KLF12: variants seen among roughly 807,000 people sequenced by gnomAD.
The protein encoded by KLF12 is Krueppel-like factor 12.
KLF12 carries 9 observed loss-of-function variants against 37.8 expected under a neutral mutation model. The ratio of observed to expected loss-of-function variants is 0.24; its 90% confidence interval spans 0.14 to 0.42. KLF12 has a LOEUF of 0.42. Ranked by LOEUF, KLF12 falls within the 10% of genes least tolerant of loss-of-function variation. The pLI is 1.00. For missense variants in KLF12, 411 were observed against 516.0 expected (o/e 0.80, Z 1.97); for synonymous variants, 208 against 202.1 (o/e 1.03, Z -0.25).
chr13:74,003,069 G>A (rs969894339), intron 1 of KLF12, among the ~76,000 whole-genome samples: 1 of 152,184 alleles, frequency 6.6e-6, no homozygotes, highest in Non-Finnish European at 1.5e-5. Context: ...TTCCAGGCAA[G>A]TTGAACTGAT....
At position 73,693,738 on chromosome 13, in the gene KLF12, A is replaced by G. The variant is rs183103439; in HGVS notation, c.*1752T>C. 6.5e-6 allele frequency: 1 copy of G among 152,750 alleles called. No individual in the cohort carries two copies. The highest frequency in any genetic ancestry group is 1.9e-4 in the East Asian group (1 of 5,188). 9.5% of individuals were successfully genotyped at this position (152,750 alleles called of 1,614,324 possible). A position where few individuals can be genotyped will look rare whatever the true frequency, so the allele number is the denominator to read the frequency against. ...AAAATCAAGTGTTTGTAATTAAAAT[A>G]TATTGCAAAGGTCTTTGTTGGAGAC... On this transcript the variant is annotated 3_prime_UTR_variant, in exon 8 of 8. Transcript: ENST00000377669.
rs377351887 is a variant in KLF12, at chr13:73,692,669, G to A, written c.*2821C>T. 8 of 152,614 alleles carry A rather than the reference G, an allele frequency of 5.2e-5. No individual in the cohort carries two copies. Among genetic ancestry groups the A allele is most frequent in the African/African-American group, 1.9e-4 (8 of 41,452 alleles). The allele number at this position is 152,614 out of a possible 1,614,324, so 9.5% of individuals were successfully genotyped here. A position where few individuals can be genotyped will look rare whatever the true frequency, so the allele number is the denominator to read the frequency against. On this transcript the variant is annotated 3_prime_UTR_variant, in exon 8 of 8. Coordinates refer to ENST00000377669, the MANE Select transcript of KLF12 (RefSeq NM_007249.5). ...TCCCAAACCACTTTCTCCTTTCCAT[G>A]GGGAAATACTTTTAGAAAACTCACC...
chr13:74,011,501 A>G (rs2138367935), intron 1 of KLF12, among the ~76,000 whole-genome samples: 1 of 152,332 alleles, frequency 6.6e-6, no homozygotes, highest in East Asian at 1.9e-4. Flanking sequence ...AATATTTTGG[A>G]TATACAGTCG....
At chr13:73,874,495 T>G (rs1886613270) in intron 3 of KLF12, among the ~76,000 whole-genome samples, 2 of 152,236 alleles carry the variant, frequency 1.3e-5, no homozygotes, top group African/African-American at 2.4e-5. Context: ...AGTTCAGTCT[T>G]GATAAACTCA....
intron 1 of KLF12, among the ~76,000 whole-genome samples, chr13:74,013,582 A>T (rs899537613): frequency 1.1e-4 from 16 of 152,218 alleles, no homozygotes; most frequent in Non-Finnish European, 2.2e-4. Flanking sequence ...TATGTGTTGT[A>T]CCATTCTTTC....
chr13:74,068,698 A>G (rs1405512949), intron 1 of KLF12, among the ~76,000 whole-genome samples: 1 of 151,914 alleles, frequency 6.6e-6, no homozygotes, highest in African/African-American at 2.4e-5. Flanking sequence ...CTGGGACCAC[A>G]GGCATGCGTC....
intron 7 of KLF12, among the ~76,000 whole-genome samples, chr13:73,709,113 A>G (rs1875172224): frequency 6.6e-6 from 1 of 152,160 alleles, no homozygotes. Context: ...AAATATACTT[A>G]TTTTTAATTT....
intron 3 of KLF12, among the ~76,000 whole-genome samples, chr13:73,856,683 A>G (rs868337460): frequency 2.0e-5 from 3 of 152,288 alleles, no homozygotes; most frequent in Middle Eastern, 3.4e-3. Context: ...TCAAGCAAAT[A>G]CTATTTAAAC....
chr13:74,279,021 G>A, the KLF12 span, among the ~76,000 whole-genome samples: 33 of 152,144 alleles, frequency 2.2e-4, no homozygotes, highest in African/African-American at 7.0e-4. Context: ...TACCCAAGAA[G>A]CTCTGGCAGT....
At chr13:74,147,266 C>T in the KLF12 span, among the ~76,000 whole-genome samples, 1 of 151,960 alleles carries the variant, frequency 6.6e-6, no homozygotes, top group Non-Finnish European at 1.5e-5. Flanking sequence ...AAGTGCACCC[C>T]TTCCTGGTTG....
chr13:74,288,159 CTAAAA>C, the KLF12 span, among the ~76,000 whole-genome samples: 3 of 152,134 alleles, frequency 2.0e-5, no homozygotes, highest in African/African-American at 4.8e-5. Context: ...TGGGCACTGA[CTAAAA>C]TAACCCAATG....
intron 1 of KLF12, among the ~76,000 whole-genome samples, chr13:74,073,277 A>G (rs916446326): frequency 1.3e-5 from 2 of 152,144 alleles, no homozygotes; most frequent in African/African-American, 4.8e-5. Flanking sequence ...TTGCTCAGGA[A>G]TTCTGATCAC....
intron 6 of KLF12, among the ~76,000 whole-genome samples, chr13:73,761,170 T>C (rs112001556): frequency 6.0e-4 from 91 of 152,322 alleles, no homozygotes; most frequent in African/African-American, 1.9e-3. Flanking sequence ...TTCAACTCTC[T>C]AATAAGAATT....
chr13:73,864,352 T>C (rs1352452499), intron 3 of KLF12, among the ~76,000 whole-genome samples: 1 of 152,124 alleles, frequency 6.6e-6, no homozygotes, highest in Non-Finnish European at 1.5e-5. Flanking sequence ...GATTTAAGGA[T>C]TTAACAAACT....
rs1329704628 is a variant in KLF12, at chr13:73,860,364, T to C, written c.124-13991A>G. Among the ~76,000 whole-genome samples, 5 of 152,152 alleles carry C rather than the reference T, an allele frequency of 3.3e-5. 1 individual carries two copies. Among genetic ancestry groups the C allele is most frequent in the Non-Finnish European group, 7.4e-5 (5 of 68,026 alleles). On this transcript the variant is annotated intron_variant, in intron 3 of 7. Coordinates refer to ENST00000377669, the MANE Select transcript of KLF12 (RefSeq NM_007249.5). Reference sequence around the variant, plus strand: ...GACAAGCACCTATCACAGTCCCCAGTACAAAGTAAGCACTTAATTAAAGCT... The same window carrying C: ...GACAAGCACCTATCACAGTCCCCAGCACAAAGTAAGCACTTAATTAAAGCT...
At chr13:73,785,058 T>C (rs558395106) in intron 5 of KLF12, among the ~76,000 whole-genome samples, 6 of 151,984 alleles carry the variant, frequency 3.9e-5, no homozygotes, top group Non-Finnish European at 7.4e-5. Flanking sequence ...CCAGAGAAAT[T>C]AGTCTTTTTT....
chr13:74,211,814 T>C, the KLF12 span, among the ~76,000 whole-genome samples: 1 of 152,128 alleles, frequency 6.6e-6, no homozygotes, highest in Non-Finnish European at 1.5e-5. Context: ...GGTCCAGAAG[T>C]TGGTTTATTA....
intron 4 of KLF12, 98 bp from the exon 5 acceptor site, chr13:73,813,385 T>G (rs1181630661): frequency 1.5e-6 from 2 of 1,309,598 alleles, no homozygotes; most frequent in Non-Finnish European, 2.2e-6. Flanking sequence ...GTGCATATCA[T>G]GCAAATGGAA....
chr13:73,841,199 A>G (rs561082729), intron 4 of KLF12, among the ~76,000 whole-genome samples: 12 of 152,304 alleles, frequency 7.9e-5, no homozygotes, highest in Non-Finnish European at 1.3e-4. Flanking sequence ...TGCACACTGC[A>G]TATCGGAAGG....
Sources: gnomAD v4.1 joint callset for allele counts (sites outside exome capture counted in the v4.1 genomes callset) on GRCh38, gnomAD v4.1.1 for gene constraint, MANE v1.5 for transcripts, NCBI Gene and HGNC (gene_info 2026-07-23, HGNC 2026-07-21) for gene names.